INTS6: variants seen among roughly 807,000 people sequenced by gnomAD.
INTS6 encodes DEAD box protein.
A neutral mutation model predicts 104.9 loss-of-function variants in INTS6; 16 were observed. That is an observed-to-expected ratio of 0.15 (90% CI 0.10 to 0.23). The LOEUF is 0.23. Ranked by LOEUF, INTS6 falls within the 10% of genes least tolerant of loss-of-function variation. INTS6 has a pLI of 1.00. For missense variants in INTS6, 584 were observed against 1,062.8 expected (o/e 0.55, Z 6.26); for synonymous variants, 324 against 358.7 (o/e 0.90, Z 1.09).
chr13:51,335,847 C>G, the INTS6 span: 3 of 152,122 alleles, frequency 2.0e-5, no homozygotes, highest in African/African-American at 4.8e-5. Flanking sequence ...TAGGGAATAA[C>G]GAAATACATA....
downstream of INTS6, among the ~76,000 whole-genome samples, chr13:51,349,715 C>T (rs192152601): frequency 6.6e-6 from 1 of 152,236 alleles, no homozygotes; most frequent in Admixed American, 6.5e-5. Context: ...GTCTCAAACC[C>T]TCAAGCAGTT....
chr13:51,400,986 A>G (rs1956427436), intron 4 of INTS6, among the ~76,000 whole-genome samples: 2 of 152,234 alleles, frequency 1.3e-5, no homozygotes, highest in Admixed American at 1.3e-4. Flanking sequence ...ACATATTAAT[A>G]TGAAGATAAT....
chr13:51,341,168 T>C, the INTS6 span: 2 of 1,614,022 alleles, frequency 1.2e-6, no homozygotes, highest in Non-Finnish European at 1.7e-6. Context: ...CGTGAAGGAA[T>C]GACATTGCTG....
At chr13:51,380,110 A>C (rs1956017557) in intron 10 of INTS6, among the ~76,000 whole-genome samples, 1 of 152,108 alleles carries the variant, frequency 6.6e-6, no homozygotes, top group African/African-American at 2.4e-5. Context: ...ATACACATAA[A>C]GCACTTTATA....
At chr13:51,413,459 A>C (rs1956726831) in intron 4 of INTS6, among the ~76,000 whole-genome samples, 1 of 152,194 alleles carries the variant, frequency 6.6e-6, no homozygotes, top group East Asian at 1.9e-4. Flanking sequence ...TATCTCATTT[A>C]ATCATATGAC....
rs1955580527 is a variant in INTS6, at chr13:51,361,704, A to G, written c.*4048T>C. On this transcript the variant is annotated 3_prime_UTR_variant, in exon 18 of 18. Transcript: ENST00000311234. ...TCACAACAGTAAACAATCAAATGCC[A>G]TTAGGATGCTTTGATTTCTTAAAAA... 4.0e-6 allele frequency: 4 copies of G among 996,208 alleles called. No individual in the cohort carries two copies. In the South Asian group the frequency reaches 7.1e-5, roughly 18 times the overall value. 61.7% of individuals were successfully genotyped at this position (996,208 alleles called of 1,614,324 possible).
intron 7 of INTS6, among the ~76,000 whole-genome samples, chr13:51,386,119 T>C (rs910771137): frequency 1.3e-5 from 2 of 152,196 alleles, no homozygotes; most frequent in African/African-American, 4.8e-5. Context: ...TTGTTCTTTT[T>C]CACTTCCATA....
intron 4 of INTS6, among the ~76,000 whole-genome samples, chr13:51,402,079 C>T (rs1182886776): frequency 2.0e-5 from 3 of 152,088 alleles, no homozygotes; most frequent in Non-Finnish European, 4.4e-5. Context: ...CCTAGTTACT[C>T]TTCATACAAA....
chr13:51,383,497 T>G (rs549210512), intron 8 of INTS6, 36 bp from the exon 9 acceptor site: 165 of 1,605,932 alleles, frequency 1.0e-4, no homozygotes, highest in Non-Finnish European at 1.3e-4. Flanking sequence ...TTAATAACCT[T>G]TAAAGAATGT....
intron 4 of INTS6, among the ~76,000 whole-genome samples, chr13:51,427,101 T>C (rs1201045660): frequency 1.3e-5 from 2 of 152,096 alleles, no homozygotes; most frequent in African/African-American, 2.4e-5. Context: ...AGAACAGATA[T>C]AATATACAAT....
chr13:51,406,495 T>C (rs1018226332), intron 4 of INTS6, among the ~76,000 whole-genome samples: 15 of 152,166 alleles, frequency 9.9e-5, no homozygotes, highest in African/African-American at 3.4e-4. Context: ...CTGCATTATA[T>C]GTCAGCAGGT....
Position 51,382,112 on chromosome 13 carries a change from T to C in INTS6, c.1192A>G (p.Lys398Glu). 1 of 1,607,470 alleles carries C rather than the reference T, an allele frequency of 6.2e-7. No homozygotes were observed. Among genetic ancestry groups the C allele is most frequent in the Non-Finnish European group, 8.5e-7 (1 of 1,175,250 alleles). The change falls in exon 10 of 18, where the codon AAA (lysine) becomes GAA (glutamate). Residue 398 changes from lysine to glutamate, a missense_variant. By Grantham distance (56) the Lys-to-Glu change is moderately conservative (BLOSUM62 1). This residue lies in a region of INTS6 where 144 missense variants were observed against 348.7 expected (regional missense o/e 0.41). Coordinates refer to ENST00000311234, the MANE Select transcript of INTS6 (RefSeq NM_012141.3). Reference sequence around the variant, plus strand: ...AATGTTGGTTTTGCTTTATGCACTTTAAACAAGTCATCTAGAAACGTATAA... The same window carrying C: ...AATGTTGGTTTTGCTTTATGCACTTCAAACAAGTCATCTAGAAACGTATAA... ...VLLPLLDDLF[K>E]VHKAKPTLKW...
At chr13:51,392,331 A>T (rs1956258489) in intron 5 of INTS6, among the ~76,000 whole-genome samples, 1 of 152,184 alleles carries the variant, frequency 6.6e-6, no homozygotes. Flanking sequence ...ATTCCCCGCT[A>T]TGTAAGCTCC....
At chr13:51,450,387 C>T in intron 3 of INTS6, 1 of 985,298 alleles carries the variant, frequency 1.0e-6, no homozygotes, top group Non-Finnish European at 1.2e-6. Context: ...GGTTAAGAAA[C>T]GAAGGGTTCT....
In INTS6 at chr13:51,403,584, A is replaced by AAAAAAAAAAGG. The variant is rs1164793673; in HGVS notation, c.430-8102_430-8101insCCTTTTTTTTT. Among the ~76,000 whole-genome samples the AAAAAAAAAAGG allele has an allele frequency of 1.3e-3, 106 of 84,624 alleles. 1 individual carries two copies. The highest frequency in any genetic ancestry group is 4.9e-3 in the Middle Eastern group (1 of 204). 55.5% of individuals were successfully genotyped at this position (84,624 alleles called of 152,430 possible). ...GGGACAGAGTGAGACTCCATTTCAA[A>AAAAAAAAAAGG]AAAAAAAAAGAAAAAAAAAAGAAAA... On this transcript the variant is annotated intron_variant, in intron 4 of 17. Coordinates refer to ENST00000311234, the MANE Select transcript of INTS6 (RefSeq NM_012141.3).
chr13:51,349,425 C>A (rs181175482), downstream of INTS6, among the ~76,000 whole-genome samples: 1 of 152,250 alleles, frequency 6.6e-6, no homozygotes, highest in East Asian at 1.9e-4. Flanking sequence ...AAACCAAAAC[C>A]CAAATACTGG....
chr13:51,361,825 A>G lies in INTS6; in HGVS notation c.*3927T>C. 1 of 1,605,940 alleles carries G rather than the reference A, an allele frequency of 6.2e-7. No homozygotes were observed. The highest frequency in any genetic ancestry group is 8.5e-7 in the Non-Finnish European group (1 of 1,177,326). On this transcript the variant is annotated 3_prime_UTR_variant, in exon 18 of 18. Coordinates refer to ENST00000311234, the MANE Select transcript of INTS6 (RefSeq NM_012141.3). ...TTTCCTGCAGCTCTGTTGTTATTGA[A>G]AAGGTCTCGGATTCCTATTTTTAAA...
chr13:51,367,424 G>C (rs1016885122), intron 17 of INTS6, among the ~76,000 whole-genome samples: 1 of 151,692 alleles, frequency 6.6e-6, no homozygotes, highest in Non-Finnish European at 1.5e-5. Context: ...CCTTAATTAC[G>C]TTTTCCCATG....
intron 3 of INTS6, among the ~76,000 whole-genome samples, chr13:51,356,400 T>C (rs1209707394): frequency 6.6e-6 from 1 of 152,190 alleles, no homozygotes; most frequent in Non-Finnish European, 1.5e-5. Flanking sequence ...AAGAGAATTC[T>C]ATGTTTGATA....
Sources: allele counts gnomAD v4.1 joint callset (sites outside exome capture counted in the v4.1 genomes callset), GRCh38; gene constraint gnomAD v4.1.1; regional missense constraint gnomAD v4.1.1; transcripts MANE v1.5; gene names NCBI Gene and HGNC (gene_info 2026-07-23, HGNC 2026-07-21).